The following LHX6 variants were observed in gnomAD, a reference collection of about 807,000 sequenced individuals.
The protein encoded by LHX6 is LIM homeobox 6, also known as LIM/homeobox protein Lhx6.
LHX6 carries 15 observed loss-of-function variants against 47.1 expected under a neutral mutation model. The observed-to-expected ratio is 0.32, with a 90% CI of 0.21 to 0.49. The LOEUF (loss-of-function observed/expected upper bound fraction) is 0.49, where lower values mean the gene tolerates loss of function less well. Ranked by LOEUF, LHX6 falls within the 20% of genes least tolerant of loss-of-function variation. LHX6 has a pLI of 0.99. For synonymous variants in LHX6, 242 were observed against 233.5 expected (o/e 1.04, Z -0.33); for missense variants, 404 against 539.6 (o/e 0.75, Z 2.49).
Position 122,217,913 on chromosome 9 carries a change from C to T in LHX6, c.462-625G>A, listed in dbSNP as rs947119761. On this transcript the variant is annotated intron_variant, in intron 4 of 9. Coordinates refer to ENST00000394319, the MANE Select transcript of LHX6 (RefSeq NM_014368.5). This position sits in a 1 kb window ranked among gnomAD's most constrained non-coding sequence, Gnocchi z 4.9. ...CTCGTTTTCCTTGTCCTGCACTGAA[C>T]TAGATGACAACAGCAATGACTACTA... is the stretch of plus-strand genomic sequence containing the variant. Among the ~76,000 whole-genome samples, 1 of 152,230 alleles carries T rather than the reference C, an allele frequency of 6.6e-6. No individual in the cohort carries two copies. The highest frequency in any genetic ancestry group is 2.4e-5 in the African/African-American group (1 of 41,470).
chr9:122,222,447 G>A lies in LHX6; in HGVS notation c.461+3929C>T, dbSNP rs185721738. On this transcript the variant is annotated intron_variant, in intron 4 of 9. Coordinates refer to ENST00000394319, the MANE Select transcript of LHX6 (RefSeq NM_014368.5). ...TCCTGCTGGGAATCTCAGGGAGTAA[G>A]GGGAGGTAGAGATCTGGATAAACGC... Among the ~76,000 whole-genome samples the A allele has an allele frequency of 3.3e-3, 499 of 152,306 alleles. 5 individuals carry two copies. Among genetic ancestry groups the A allele is most frequent in the African/African-American group, 0.012 (481 of 41,562 alleles).
chr9:122,218,662 C>T (rs938256680), intron 4 of LHX6, among the ~76,000 whole-genome samples: 5 of 152,114 alleles, frequency 3.3e-5, no homozygotes, highest in African/African-American at 7.2e-5. Context: ...GGTGGCTCCA[C>T]TCTACCCTCA....
chr9:122,221,503 G>C, intron 4 of LHX6: 1 of 985,690 alleles, frequency 1.0e-6, no homozygotes, highest in African/African-American at 1.7e-5. Flanking sequence ...CTAGGGGCTT[G>C]CATGAAGTCG....
At chr9:122,225,477 G>C (rs752688595) in intron 4 of LHX6, among the ~76,000 whole-genome samples, 1 of 152,236 alleles carries the variant, frequency 6.6e-6, no homozygotes, top group Non-Finnish European at 1.5e-5. Flanking sequence ...AGGCCCAGGC[G>C]AGTGGCCAAG....
In LHX6 at chr9:122,226,713, T is replaced by C; in HGVS notation, c.339+135A>G. The C allele has an allele frequency of 8.0e-7, 1 of 1,250,162 alleles. No homozygotes were observed. The highest frequency in any genetic ancestry group is 1.1e-6 in the Non-Finnish European group (1 of 920,368). 77.4% of individuals were successfully genotyped at this position (1,250,162 alleles called of 1,614,324 possible). A position where few individuals can be genotyped will look rare whatever the true frequency, so the allele number is the denominator to read the frequency against. On this transcript the variant is annotated intron_variant, in intron 3 of 9. Coordinates refer to ENST00000394319, the MANE Select transcript of LHX6 (RefSeq NM_014368.5). The surrounding 1 kb of genome is among the most constrained non-coding windows in gnomAD (Gnocchi z 6.5). ...CGGGGGCTCAGGCAGACCCTAAGTC[T>C]TGCCCAAAGCTTCGCAGTCGGGCAG...
Position 122,207,530 on chromosome 9 carries a change from C to T in LHX6, c.1158+2084G>A, listed in dbSNP as rs1330235147. Among the ~76,000 whole-genome samples, 4 of 152,300 alleles carry T rather than the reference C, an allele frequency of 2.6e-5. No individual in the cohort carries two copies. In the South Asian group the frequency reaches 8.3e-4, roughly 32 times the overall value. ...GTAGCTGCCTTGAACAGAAGGAGCT[C>T]AGCAAACGGCAGCTCTTCCTATGGA... On this transcript the variant is annotated intron_variant, in intron 9 of 9. Transcript: ENST00000394319.
Position 122,227,016 on chromosome 9 carries a change from G to T in LHX6, c.171C>A (p.Ala57=). The T allele has an allele frequency of 6.6e-7, 1 of 1,504,572 alleles. No individual in the cohort carries two copies. 93.2% of individuals were successfully genotyped at this position (1,504,572 alleles called of 1,614,324 possible). A position where few individuals can be genotyped will look rare whatever the true frequency, so the allele number is the denominator to read the frequency against. Residue 57 remains alanine (A), a synonymous_variant, in exon 3 of 10, where the codon GCC becomes GCA. Transcript: ENST00000394319. Reference sequence around the variant, plus strand: ...TGTCCAGAGCTCCTGCCAGGGCCTCGGCGTCAGACTGAGCCTGCGGCGGGG... The same window carrying T: ...TGTCCAGAGCTCCTGCCAGGGCCTCTGCGTCAGACTGAGCCTGCGGCGGGG... ...TAPPAMAQSD[A]EALAGALDKD... is the part of the protein sequence containing the mutation.
rs1346985463 is a variant in LHX6 at position 122,203,838 on chromosome 9, G to A, written c.*922C>T. On this transcript the variant is annotated 3_prime_UTR_variant, in exon 10 of 10. Transcript: ENST00000394319. ...ATTCCCCTTCCATTGAGAAGACCTG[G>A]CCCAAGCACCACTATGAGAGGTCAA... 2 of 152,510 alleles carry A rather than the reference G, an allele frequency of 1.3e-5. No individual in the cohort carries two copies. The highest frequency in any genetic ancestry group is 4.8e-5 in the African/African-American group (2 of 41,450). The allele number at this position is 152,510 out of a possible 1,614,324, so 9.4% of individuals were successfully genotyped here. A position where few individuals can be genotyped will look rare whatever the true frequency, so the allele number is the denominator to read the frequency against.
chr9:122,209,792 A>C (rs1399513187), intron 8 of LHX6, 75 bp from the exon 9 acceptor site: 3 of 660,976 alleles, frequency 4.5e-6, no homozygotes, highest in Non-Finnish European at 8.3e-6. Flanking sequence ...TGCTCTCTAC[A>C]GACTGGAGCC....
chr9:122,223,587 C>T (rs567459740), intron 4 of LHX6, among the ~76,000 whole-genome samples: 3 of 152,238 alleles, frequency 2.0e-5, no homozygotes, highest in African/African-American at 4.8e-5. Context: ...AACTAAGGGC[C>T]GAGAGAAGCA....
chr9:122,210,151 C>T (rs1219473411), intron 8 of LHX6, among the ~76,000 whole-genome samples: 1 of 152,130 alleles, frequency 6.6e-6, no homozygotes, highest in Admixed American at 6.5e-5. Flanking sequence ...ATCTCCTGAC[C>T]TCATGATCTG....
Position 122,228,524 on chromosome 9 carries a change from C to T in LHX6, c.84+133G>A, listed in dbSNP as rs371312794. 3.5e-4 allele frequency: 488 copies of T among 1,381,492 alleles called. 4 individuals are homozygous for T. In the East Asian group the frequency reaches 0.012, roughly 34 times the overall value. The allele number at this position is 1,381,492 out of a possible 1,614,324, so 85.6% of individuals were successfully genotyped here. ...GCTCGCGCGCGCGCTCCCACACTCA[C>T]AAGCACACACTCACAGGCGCACCCT... is the stretch of plus-strand genomic sequence containing the variant. On this transcript the variant is annotated intron_variant, in intron 1 of 9. Transcript: ENST00000394319.
chr9:122,217,015 G>A lies in LHX6; in HGVS notation c.682+53C>T. 1.3e-6 allele frequency: 2 copies of A among 1,490,842 alleles called. No homozygotes were observed. Among genetic ancestry groups the A allele is most frequent in the Non-Finnish European group, 1.9e-6 (2 of 1,074,394 alleles). 92.4% of individuals were successfully genotyped at this position (1,490,842 alleles called of 1,614,324 possible). A position where few individuals can be genotyped will look rare whatever the true frequency, so the allele number is the denominator to read the frequency against. On this transcript the variant is annotated intron_variant, in intron 5 of 9. Coordinates refer to ENST00000394319, the MANE Select transcript of LHX6 (RefSeq NM_014368.5). This position sits in a 1 kb window ranked among gnomAD's most constrained non-coding sequence, Gnocchi z 4.9. The stretch of plus-strand genomic sequence containing the variant: ...GTGGTTCCTGGGGTGCTGGGGTGGG[G>A]TGGGGTGGGAAAGGGCTGGGGGCAG...
At chr9:122,227,203 C>T (rs573436442) in intron 2 of LHX6, 173 bp from the exon 3 acceptor site, 2 of 766,336 alleles carry the variant, frequency 2.6e-6, no homozygotes, top group African/African-American at 1.8e-5. Context: ...GAAGGGACGG[C>T]CCCAACTTTT....
At chr9:122,205,425 A>C (rs1220329562) in intron 9 of LHX6, among the ~76,000 whole-genome samples, 1 of 152,196 alleles carries the variant, frequency 6.6e-6, no homozygotes, top group Non-Finnish European at 1.5e-5. Flanking sequence ...GGAGATCAGG[A>C]CTGTCTGTCC....
At chr9:122,228,112 G>T (rs1031997494) in intron 1 of LHX6, 2 of 375,716 alleles carry the variant, frequency 5.3e-6, no homozygotes, top group Non-Finnish European at 1.0e-5. Flanking sequence ...GCACCCGCCC[G>T]CCCGCCCGCC....
chr9:122,226,768 A>C lies in LHX6; in HGVS notation c.339+80T>G. 1 of 1,441,592 alleles carries C rather than the reference A, an allele frequency of 6.9e-7. No individual in the cohort carries two copies. Among genetic ancestry groups the C allele is most frequent in the Non-Finnish European group, 9.3e-7 (1 of 1,071,520 alleles). The allele number at this position is 1,441,592 out of a possible 1,614,324, so 89.3% of individuals were successfully genotyped here. On this transcript the variant is annotated intron_variant, in intron 3 of 9. Coordinates refer to ENST00000394319, the MANE Select transcript of LHX6 (RefSeq NM_014368.5). The surrounding 1 kb of genome is among the most constrained non-coding windows in gnomAD (Gnocchi z 6.5). ...GGAGCCAGGATTTGGAAGTAAGAGG[A>C]CCTGCGGTGCTTCCCTGCAGTCTCC...
rs148914890 is a variant in LHX6, at chr9:122,224,700, C to T, written c.461+1676G>A. 3.2e-3 allele frequency among the ~76,000 whole-genome samples: 489 copies of T among 152,030 alleles called. 5 individuals are homozygous for T. The highest frequency in any genetic ancestry group is 3.8e-3 in the Non-Finnish European group (258 of 67,954). ...TCCTGTCCTCACCACTTTGCGTGCA[C>T]GTGCACGCACACACACATGCACACA... On this transcript the variant is annotated intron_variant, in intron 4 of 9. Coordinates refer to ENST00000394319, the MANE Select transcript of LHX6 (RefSeq NM_014368.5).
intron 8 of LHX6, among the ~76,000 whole-genome samples, chr9:122,211,788 G>A (rs1487065459): frequency 1.3e-5 from 2 of 152,228 alleles, no homozygotes; most frequent in African/African-American, 4.8e-5. Flanking sequence ...TGGAGGTCAT[G>A]GCCCCAAGTC....
Sources: gnomAD v4.1 joint callset for allele counts (sites outside exome capture counted in the v4.1 genomes callset) on GRCh38, gnomAD v4.1.1 for gene constraint, Gnocchi (gnomAD v3.1) non-coding constraint, MANE v1.5 for transcripts, NCBI Gene and HGNC (gene_info 2026-07-23, HGNC 2026-07-21) for gene names.